GALNT13: variants seen among roughly 807,000 people sequenced by gnomAD.
The protein encoded by GALNT13 is polypeptide N-acetylgalactosaminyltransferase 13, also known as UDP-GalNAc:polypeptide N-acetylgalactosaminyltransferase 13.
A neutral mutation model predicts 64.2 loss-of-function variants in GALNT13; 28 were observed. The ratio of observed to expected loss-of-function variants is 0.44; its 90% CI spans 0.32 to 0.60. The LOEUF (loss-of-function observed/expected upper bound fraction) is 0.60. Among genes scored for constraint, GALNT13 ranks in the 20% least tolerant of loss-of-function variants. GALNT13 has a pLI of 0.05. For synonymous variants in GALNT13, 214 were observed against 224.6 expected, an observed-to-expected ratio of 0.95 and a Z score of 0.42; for missense variants, 577 against 669.8, an observed-to-expected ratio of 0.86 and a Z score of 1.53.
the GALNT13 span, among the ~76,000 whole-genome samples, chr2:153,813,583 T>A: frequency 6.6e-6 from 1 of 152,096 alleles, no homozygotes; most frequent in South Asian, 2.1e-4. Context: ...TATTCAATTA[T>A]TAGAAAAGAC....
chr2:153,861,590 G>C, the GALNT13 span, among the ~76,000 whole-genome samples: 1 of 114,246 alleles, frequency 8.8e-6, no homozygotes, highest in African/African-American at 3.5e-5. Context: ...TTTTGATAAG[G>C]AGTTTCGCTG....
At chr2:153,152,762 T>C in the GALNT13 span, among the ~76,000 whole-genome samples, 1 of 152,194 alleles carries the variant, frequency 6.6e-6, no homozygotes, top group African/African-American at 2.4e-5. Context: ...GGCTGCATAG[T>C]ATTCCTTGGT....
the GALNT13 span, among the ~76,000 whole-genome samples, chr2:153,759,856 G>GT: frequency 6.6e-6 from 1 of 151,844 alleles, no homozygotes; most frequent in African/African-American, 2.4e-5. Flanking sequence ...ACTCATTTTT[G>GT]TAAGAGTTTG....
At chr2:153,820,384 A>T in the GALNT13 span, among the ~76,000 whole-genome samples, 1 of 152,192 alleles carries the variant, frequency 6.6e-6, no homozygotes, top group Non-Finnish European at 1.5e-5. Context: ...AATCTAGAGA[A>T]CACCTGCCTG....
At chr2:153,503,726 C>T in the GALNT13 span, among the ~76,000 whole-genome samples, 1 of 152,124 alleles carries the variant, frequency 6.6e-6, no homozygotes, top group Non-Finnish European at 1.5e-5. Flanking sequence ...CAGGTGTGAG[C>T]CACTGCACCC....
chr2:153,877,064 A>G (rs988576626), intron 1 of GALNT13, among the ~76,000 whole-genome samples: 1 of 152,102 alleles, frequency 6.6e-6, no homozygotes, highest in South Asian at 2.1e-4. Context: ...TCCTCTCAAG[A>G]TAGTTTGAGA....
the GALNT13 span, among the ~76,000 whole-genome samples, chr2:153,185,845 T>C: frequency 1.3e-5 from 2 of 152,206 alleles, no homozygotes; most frequent in African/African-American, 2.4e-5. Context: ...ATTTCAGTTA[T>C]TTTGCATTTG....
chr2:153,253,077 T>C, the GALNT13 span, among the ~76,000 whole-genome samples: 7 of 151,872 alleles, frequency 4.6e-5, no homozygotes, highest in Non-Finnish European at 7.4e-5. Context: ...GCCATTTTCA[T>C]GATATTGATT....
chr2:153,517,557 G>A, the GALNT13 span, among the ~76,000 whole-genome samples: 1 of 152,128 alleles, frequency 6.6e-6, no homozygotes, highest in Non-Finnish European at 1.5e-5. Context: ...AACAATTCGA[G>A]TCAGAAAATA....
At position 154,306,917 on chromosome 2, in the gene GALNT13, T is replaced by G. The variant is rs116719809; in HGVS notation, c.1156+5328T>G. ...TCCTAAACCATAATTTTTCATCTTG[T>G]GGCTAATTTGTTAGTCCTACAAAGG... On this transcript the variant is annotated intron_variant, in intron 9 of 12. Coordinates refer to ENST00000392825, the MANE Select transcript of GALNT13 (RefSeq NM_052917.4). 1.4e-3 allele frequency among the ~76,000 whole-genome samples: 215 copies of G among 152,204 alleles called. 1 individual carries two copies. Among genetic ancestry groups the G allele is most frequent in the African/African-American group, 5.1e-3 (210 of 41,550 alleles).
chr2:154,322,362 T>C (rs1241696563), intron 9 of GALNT13, among the ~76,000 whole-genome samples: 1 of 151,950 alleles, frequency 6.6e-6, no homozygotes, highest in African/African-American at 2.4e-5. Flanking sequence ...GTGGGATGAT[T>C]TAGCAGCACT....
the GALNT13 span, among the ~76,000 whole-genome samples, chr2:153,612,889 A>G: frequency 0.013 from 1,996 of 152,156 alleles, 32 homozygotes; most frequent in Admixed American, 0.044. Flanking sequence ...CTTTATCTTC[A>G]TTTTGGTGTA....
At chr2:153,206,681 A>G in the GALNT13 span, among the ~76,000 whole-genome samples, 1 of 152,204 alleles carries the variant, frequency 6.6e-6, no homozygotes, top group African/African-American at 2.4e-5. Context: ...AAGGAAGAAA[A>G]TAAGAAATGT....
the GALNT13 span, among the ~76,000 whole-genome samples, chr2:153,631,110 T>C: frequency 2.0e-5 from 3 of 151,956 alleles, no homozygotes; most frequent in African/African-American, 7.3e-5. Context: ...GGTTTCCAGC[T>C]TCATCCATGT....
chr2:153,765,492 G>C, the GALNT13 span, among the ~76,000 whole-genome samples: 1 of 152,188 alleles, frequency 6.6e-6, no homozygotes, highest in African/African-American at 2.4e-5. Flanking sequence ...CCCAATGCCT[G>C]TACCCCAATT....
At chr2:153,532,987 G>A in the GALNT13 span, among the ~76,000 whole-genome samples, 2 of 152,152 alleles carry the variant, frequency 1.3e-5, no homozygotes, top group Admixed American at 6.5e-5. Context: ...ATTAGGCATT[G>A]CCTGCCTGTA....
intron 1 of GALNT13, among the ~76,000 whole-genome samples, chr2:153,885,974 A>G (rs2105254033): frequency 6.6e-6 from 1 of 152,174 alleles, no homozygotes; most frequent in Admixed American, 6.6e-5. Flanking sequence ...AAATAATCAT[A>G]GTTAGCTTTC....
chr2:154,213,281 T>C (rs1007682920), intron 4 of GALNT13, among the ~76,000 whole-genome samples: 1 of 152,092 alleles, frequency 6.6e-6, no homozygotes, highest in Non-Finnish European at 1.5e-5. Context: ...GGTTTTGCCA[T>C]GTTGCCCAGG....
intron 3 of GALNT13, among the ~76,000 whole-genome samples, chr2:153,971,887 T>C (rs114881367): frequency 0.01 from 1,586 of 152,162 alleles, 17 homozygotes; most frequent in Non-Finnish European, 0.015. Context: ...TCTTCTCAGA[T>C]GTAATTAGTC....
Sources: gnomAD v4.1 joint callset for allele counts (sites outside exome capture counted in the v4.1 genomes callset) on GRCh38, gnomAD v4.1.1 for gene constraint, MANE v1.5 for transcripts, NCBI Gene and HGNC (gene_info 2026-07-23, HGNC 2026-07-21) for gene names.